The following B3GALT1 variants were observed in gnomAD, a reference collection of about 807,000 sequenced individuals.
B3GALT1 encodes the protein UDP-Gal:betaGlcNAc beta 1,3-galactosyltransferase, polypeptide 1.
In B3GALT1, 10 loss-of-function variants were observed where a neutral mutation model predicts 23.2. The observed-to-expected ratio is 0.43, with a 90% CI of 0.27 to 0.73. B3GALT1 has a LOEUF of 0.73. Among genes scored for constraint, B3GALT1 ranks in the 30% least tolerant of loss-of-function variants. The pLI, the probability that B3GALT1 is intolerant of heterozygous loss-of-function variation, is 0.21. For missense variants in B3GALT1, 299 were observed against 405.4 expected (o/e 0.74, Z 2.25); for synonymous variants, 156 against 141.5 (o/e 1.10, Z -0.73).
intron 1 of B3GALT1, among the ~76,000 whole-genome samples, chr2:167,383,412 T>A (rs1206671146): frequency 6.6e-6 from 1 of 152,136 alleles, no homozygotes; most frequent in African/African-American, 2.4e-5. Flanking sequence ...CCTTGACTGT[T>A]CCCACTGTTT....
intron 4 of B3GALT1, among the ~76,000 whole-genome samples, chr2:167,831,509 T>C (rs1400414030): frequency 2.0e-5 from 3 of 152,116 alleles, no homozygotes; most frequent in Admixed American, 2.0e-4. Context: ...AAAATAAGGA[T>C]TTGAGGTAAA....
chr2:167,790,152 T>C (rs143785265), intron 3 of B3GALT1, among the ~76,000 whole-genome samples: 54 of 152,316 alleles, frequency 3.5e-4, no homozygotes, highest in African/African-American at 1.2e-3. Flanking sequence ...CTAGTCTTGC[T>C]CTCTTCACTC....
chr2:167,556,969 C>G (rs928272146), intron 2 of B3GALT1, among the ~76,000 whole-genome samples: 2 of 152,062 alleles, frequency 1.3e-5, no homozygotes, highest in Non-Finnish European at 2.9e-5. Context: ...GGAATTGTGC[C>G]CTTGGGTCCA....
At chr2:167,526,598 C>A (rs909981736) in intron 2 of B3GALT1, among the ~76,000 whole-genome samples, 1 of 152,176 alleles carries the variant, frequency 6.6e-6, no homozygotes, top group Non-Finnish European at 1.5e-5. Flanking sequence ...TTGTGTCATG[C>A]ACAATTTGTG....
chr2:167,467,776 A>G (rs1344612572), intron 1 of B3GALT1, among the ~76,000 whole-genome samples: 1 of 152,226 alleles, frequency 6.6e-6, no homozygotes, highest in Admixed American at 6.5e-5. Flanking sequence ...CAACCTACAA[A>G]CATAGATACA....
intron 1 of B3GALT1, among the ~76,000 whole-genome samples, chr2:167,471,009 G>A (rs1353240477): frequency 2.0e-5 from 3 of 152,146 alleles, no homozygotes; most frequent in Non-Finnish European, 4.4e-5. Flanking sequence ...GTAGGAAGGA[G>A]ACTAGGCTGA....
At chr2:167,631,815 A>G (rs1179407476) in intron 2 of B3GALT1, among the ~76,000 whole-genome samples, 2 of 121,064 alleles carry the variant, frequency 1.7e-5, no homozygotes, top group African/African-American at 6.6e-5. Flanking sequence ...TATTATTAAT[A>G]TACTTTAAGT....
chr2:167,729,124 G>C (rs1350325909), intron 3 of B3GALT1, among the ~76,000 whole-genome samples: 2 of 152,196 alleles, frequency 1.3e-5, no homozygotes, highest in South Asian at 2.1e-4. Flanking sequence ...TGAACTGTGA[G>C]GGAGGGAGTG....
chr2:167,313,228 G>C (rs1045082773), intron 1 of B3GALT1, among the ~76,000 whole-genome samples: 9 of 151,842 alleles, frequency 5.9e-5, no homozygotes, highest in African/African-American at 1.9e-4. Flanking sequence ...TCTCCCCTTG[G>C]AGTAACTTGT....
chr2:167,315,816 A>C (rs1313397897), intron 1 of B3GALT1, among the ~76,000 whole-genome samples: 1 of 152,196 alleles, frequency 6.6e-6, no homozygotes, highest in African/African-American at 2.4e-5. Context: ...ATTTATTTTC[A>C]CACAGGTAGA....
chr2:167,617,169 G>A (rs927091642), intron 2 of B3GALT1, among the ~76,000 whole-genome samples: 1 of 151,880 alleles, frequency 6.6e-6, no homozygotes, highest in Non-Finnish European at 1.5e-5. Flanking sequence ...AAAGCCTCAT[G>A]GTCATAAGAT....
At chr2:167,621,078 A>G (rs1418911365) in intron 2 of B3GALT1, among the ~76,000 whole-genome samples, 1 of 118,030 alleles carries the variant, frequency 8.5e-6, no homozygotes, top group Non-Finnish European at 1.7e-5. Flanking sequence ...CATCTTTTAT[A>G]TTTTTCAGTT....
At chr2:167,554,075 C>T (rs572472748) in intron 2 of B3GALT1, among the ~76,000 whole-genome samples, 1 of 152,190 alleles carries the variant, frequency 6.6e-6, no homozygotes, top group Admixed American at 6.5e-5. Flanking sequence ...AAGAGCATGA[C>T]CGCTGGTCAC....
chr2:167,839,871 G>A (rs1456551306), intron 4 of B3GALT1, among the ~76,000 whole-genome samples: 7 of 152,204 alleles, frequency 4.6e-5, no homozygotes, highest in South Asian at 2.1e-4. Context: ...CAGAAATAAC[G>A]CCGCATATCT....
chr2:167,421,763 G>A (rs1441998509), intron 1 of B3GALT1, among the ~76,000 whole-genome samples: 1 of 152,092 alleles, frequency 6.6e-6, no homozygotes, highest in African/African-American at 2.4e-5. Flanking sequence ...TGATATGAAT[G>A]TTGGCTCATC....
intron 3 of B3GALT1, among the ~76,000 whole-genome samples, chr2:167,728,598 T>C (rs974916388): frequency 6.6e-6 from 1 of 152,242 alleles, no homozygotes; most frequent in Non-Finnish European, 1.5e-5. Flanking sequence ...TCTGATCTGC[T>C]TAGTAACTGT....
At chr2:167,599,183 T>C (rs1311970139) in intron 2 of B3GALT1, among the ~76,000 whole-genome samples, 1 of 152,182 alleles carries the variant, frequency 6.6e-6, no homozygotes, top group Non-Finnish European at 1.5e-5. Context: ...GTAGTGGCTG[T>C]TAGCTACAAA....
At chr2:167,611,354 G>A (rs1448360410) in intron 2 of B3GALT1, among the ~76,000 whole-genome samples, 1 of 151,726 alleles carries the variant, frequency 6.6e-6, no homozygotes, top group African/African-American at 2.4e-5. Flanking sequence ...TTTTATACTT[G>A]TTAAAATATA....
chr2:167,532,258 C>T (rs1055583193), intron 2 of B3GALT1, among the ~76,000 whole-genome samples: 2 of 152,022 alleles, frequency 1.3e-5, no homozygotes, highest in African/African-American at 4.8e-5. Flanking sequence ...GGTTCACCAG[C>T]CATTTAATTT....
Sources: allele counts gnomAD v4.1 joint callset (sites outside exome capture counted in the v4.1 genomes callset), GRCh38; gene constraint gnomAD v4.1.1; transcripts MANE v1.5; gene names NCBI Gene and HGNC (gene_info 2026-07-23, HGNC 2026-07-21).